The following RBMS1 variants were observed in gnomAD, a reference collection of about 807,000 sequenced individuals.
RBMS1 encodes the protein RNA binding motif single stranded interacting protein 1.
In RBMS1, 17 loss-of-function variants were observed where a neutral mutation model predicts 62.3. The observed-to-expected ratio is 0.27, with a 90% CI of 0.19 to 0.41. The LOEUF (loss-of-function observed/expected upper bound fraction) is 0.41. Among genes scored for constraint, RBMS1 ranks in the 10% least tolerant of loss-of-function variants. RBMS1 has a pLI of 1.00. For missense variants in RBMS1, 334 were observed against 504.5 expected (o/e 0.66, Z 3.24); for synonymous variants, 172 against 170.0 (o/e 1.01, Z -0.09).
intron 2 of RBMS1, among the ~76,000 whole-genome samples, chr2:160,319,499 A>C (rs2105970931): frequency 6.6e-6 from 1 of 152,260 alleles, no homozygotes; most frequent in African/African-American, 2.4e-5. Flanking sequence ...GCGACAGAGC[A>C]AGACTCCATC....
At chr2:160,399,652 T>C (rs1695335434) in intron 1 of RBMS1, among the ~76,000 whole-genome samples, 1 of 152,124 alleles carries the variant, frequency 6.6e-6, no homozygotes, top group Non-Finnish European at 1.5e-5. Flanking sequence ...TCTGATACAT[T>C]TAACATATAA....
intron 2 of RBMS1, among the ~76,000 whole-genome samples, chr2:160,360,813 T>C (rs1413196058): frequency 2.6e-5 from 4 of 152,216 alleles, no homozygotes; most frequent in African/African-American, 9.6e-5. Flanking sequence ...ACCACATTGA[T>C]GATAATACTA....
At chr2:160,283,699 C>T (rs1574210331) in intron 9 of RBMS1, 2 of 152,092 alleles carry the variant, frequency 1.3e-5, no homozygotes, top group East Asian at 3.8e-4. Flanking sequence ...TTATTATCAG[C>T]CACCTAATCA....
At chr2:160,337,904 G>A (rs986971403) in intron 2 of RBMS1, among the ~76,000 whole-genome samples, 4 of 152,182 alleles carry the variant, frequency 2.6e-5, no homozygotes, top group Non-Finnish European at 4.4e-5. Flanking sequence ...GTGACTCAGT[G>A]TGAGATGGAT....
At chr2:160,281,928 T>C (rs1364492880) in intron 9 of RBMS1, 1 of 193,004 alleles carries the variant, frequency 5.2e-6, no homozygotes, top group African/African-American at 2.4e-5. Flanking sequence ...GAAATTCAGA[T>C]TAAGGAAATT....
At chr2:160,323,224 C>A (rs1476594086) in intron 2 of RBMS1, among the ~76,000 whole-genome samples, 1 of 151,472 alleles carries the variant, frequency 6.6e-6, no homozygotes, top group Non-Finnish European at 1.5e-5. Flanking sequence ...GCCTGTAATC[C>A]CAGCACTTTG....
chr2:160,282,372 C>T, intron 9 of RBMS1: 1 of 1,308,660 alleles, frequency 7.6e-7, no homozygotes, highest in South Asian at 1.2e-5. Flanking sequence ...GTAGCCTTTC[C>T]CCATTGGGGT....
At chr2:160,303,545 T>A (rs1689328252) in intron 4 of RBMS1, 58 bp from the exon 5 acceptor site, 1 of 1,515,500 alleles carries the variant, frequency 6.6e-7, no homozygotes, top group Admixed American at 2.0e-5. Context: ...ATATTTATGT[T>A]AACACACCTA....
At chr2:160,277,177 CATCTGGCTAAACGCA>C in intron 12 of RBMS1, 111 bp downstream of exon 12, 1 of 844,236 alleles carries the variant, frequency 1.2e-6, no homozygotes, top group Non-Finnish European at 1.9e-6. Flanking sequence ...TGACCCACCA[CATCTGGCTAAACGCA>C]ATTCTTTATG....
intron 2 of RBMS1, among the ~76,000 whole-genome samples, chr2:160,324,547 A>C (rs1229064240): frequency 6.6e-6 from 1 of 152,124 alleles, no homozygotes; most frequent in Non-Finnish European, 1.5e-5. Flanking sequence ...AAAAAAAGTG[A>C]TATGTATAAA....
At chr2:160,331,249 C>T (rs571024767) in intron 2 of RBMS1, among the ~76,000 whole-genome samples, 6 of 152,172 alleles carry the variant, frequency 3.9e-5, no homozygotes, top group Admixed American at 3.9e-4. Flanking sequence ...GCCTGTATAT[C>T]GCTATACAGG....
intron 11 of RBMS1, 92 bp from the exon 12 acceptor site, chr2:160,277,475 G>T: frequency 1.1e-6 from 1 of 942,556 alleles, no homozygotes. Flanking sequence ...TAATGTATTT[G>T]GAAATCTCAA....
intron 1 of RBMS1, among the ~76,000 whole-genome samples, chr2:160,428,631 C>T (rs975048723): frequency 2.6e-5 from 4 of 152,072 alleles, no homozygotes; most frequent in Non-Finnish European, 4.4e-5. Context: ...TAGGTTGGAT[C>T]GGCTTCCACA....
chr2:160,388,016 C>T (rs980408361), intron 1 of RBMS1, among the ~76,000 whole-genome samples: 2 of 152,110 alleles, frequency 1.3e-5, no homozygotes, highest in African/African-American at 2.4e-5. Context: ...CCAGCTGCTC[C>T]GGTACTACAG....
At chr2:160,472,109 C>T (rs1473148445) in intron 1 of RBMS1, among the ~76,000 whole-genome samples, 1 of 152,046 alleles carries the variant, frequency 6.6e-6, no homozygotes, top group Non-Finnish European at 1.5e-5. Context: ...AAACAGCTGG[C>T]GTCACTGGCT....
intron 1 of RBMS1, among the ~76,000 whole-genome samples, chr2:160,368,909 G>C (rs893111459): frequency 1.1e-4 from 16 of 152,124 alleles, no homozygotes; most frequent in African/African-American, 3.9e-4. Flanking sequence ...CAAAGTGCTG[G>C]GATTACAGGC....
At chr2:160,440,684 G>A (rs1230975866) in intron 1 of RBMS1, among the ~76,000 whole-genome samples, 1 of 152,092 alleles carries the variant, frequency 6.6e-6, no homozygotes, top group Non-Finnish European at 1.5e-5. Context: ...GTAGGTTGTT[G>A]ACTCGAGGTC....
intron 7 of RBMS1, among the ~76,000 whole-genome samples, chr2:160,285,594 G>A (rs1688339833): frequency 1.3e-5 from 2 of 151,094 alleles, no homozygotes; most frequent in South Asian, 4.2e-4. Context: ...GTCAATACAG[G>A]GAAATGGACG....
intron 2 of RBMS1, among the ~76,000 whole-genome samples, chr2:160,348,753 T>C (rs1004093348): frequency 6.6e-6 from 1 of 152,146 alleles, no homozygotes; most frequent in African/African-American, 2.4e-5. Context: ...AAGTGATAAA[T>C]GTAATGTGAA....
Sources: gnomAD v4.1 joint callset for allele counts (sites outside exome capture counted in the v4.1 genomes callset) on GRCh38, gnomAD v4.1.1 for gene constraint, MANE v1.5 for transcripts, NCBI Gene and HGNC (gene_info 2026-07-23, HGNC 2026-07-21) for gene names.